Variants in SDK1 observed in about 807,000 individuals in gnomAD.
SDK1 encodes the protein protein sidekick-1.
A neutral mutation model predicts 245.5 loss-of-function variants in SDK1; 157 were observed. The ratio of observed to expected loss-of-function variants is 0.64; its 90% CI spans 0.56 to 0.73. SDK1 has a LOEUF of 0.73. SDK1 is among the 30% of genes least tolerant of loss of function. SDK1 has a pLI of 0.00. For synonymous variants in SDK1, 1,647 were observed against 1,278.5 expected (o/e 1.29, Z -6.15); for missense variants, 3,583 against 3,002.3 (o/e 1.19, Z -4.52).
intron 5 of SDK1, among the ~76,000 whole-genome samples, chr7:3,857,151 C>T (rs1382413743): frequency 1.3e-5 from 2 of 151,990 alleles, no homozygotes; most frequent in African/African-American, 4.8e-5. Flanking sequence ...GGAAATCTAA[C>T]AAAAATCTAC....
chr7:3,719,804 C>A (rs6972653), intron 4 of SDK1, among the ~76,000 whole-genome samples: 3 of 151,704 alleles, frequency 2.0e-5, no homozygotes, highest in Non-Finnish European at 4.4e-5. Flanking sequence ...TGGTGAAACC[C>A]CGTCTCTACT....
intron 4 of SDK1, among the ~76,000 whole-genome samples, chr7:3,729,426 G>A (rs1337832509): frequency 6.6e-6 from 1 of 152,180 alleles, no homozygotes; most frequent in Admixed American, 6.5e-5. Flanking sequence ...AACAATTTCT[G>A]GAGACATTTG....
intron 14 of SDK1, among the ~76,000 whole-genome samples, chr7:4,000,078 G>A (rs1429522240): frequency 6.6e-6 from 1 of 152,208 alleles, no homozygotes; most frequent in Admixed American, 6.5e-5. Flanking sequence ...TGAGGGCCTG[G>A]AGCAGGAAGG....
intron 1 of SDK1, among the ~76,000 whole-genome samples, chr7:3,564,594 A>AT (rs1395231701): frequency 6.6e-6 from 1 of 152,192 alleles, no homozygotes; most frequent in African/African-American, 2.4e-5. Flanking sequence ...TATACTTAAT[A>AT]AATTTGGGGG....
chr7:3,424,237 G>A lies in SDK1; in HGVS notation c.298+122353G>A, dbSNP rs548452449. Among the ~76,000 whole-genome samples the A allele has an allele frequency of 2.0e-5, 3 of 152,226 alleles. No individual in the cohort carries two copies. The East Asian group carries it at 5.8e-4, about 29-fold the overall frequency. On this transcript the variant is annotated intron_variant, in intron 1 of 44. Transcript: ENST00000404826. ...ATACTAATTTAATTTTAGGAATGTT[G>A]TATTATAGTTCATTTTGAACAAATT...
At chr7:3,320,392 C>T (rs1339621775) in intron 1 of SDK1, among the ~76,000 whole-genome samples, 2 of 151,994 alleles carry the variant, frequency 1.3e-5, no homozygotes, top group Non-Finnish European at 2.9e-5. Flanking sequence ...AGTAAGAACT[C>T]ATGTTACTAT....
intron 42 of SDK1, among the ~76,000 whole-genome samples, chr7:4,240,277 A>G (rs1265391549): frequency 6.6e-6 from 1 of 152,126 alleles, no homozygotes; most frequent in Non-Finnish European, 1.5e-5. Context: ...GTGTTAATTT[A>G]ACATCATAAT....
intron 1 of SDK1, among the ~76,000 whole-genome samples, chr7:3,484,440 G>A (rs1443458095): frequency 2.0e-5 from 3 of 152,154 alleles, no homozygotes; most frequent in Non-Finnish European, 1.5e-5. Context: ...GAGGGTCCTG[G>A]AACTAGTTCC....
chr7:3,730,008 A>G (rs1047622252), intron 4 of SDK1, among the ~76,000 whole-genome samples: 12 of 152,108 alleles, frequency 7.9e-5, no homozygotes, highest in Non-Finnish European at 1.6e-4. Flanking sequence ...ATATGTATAT[A>G]TGTGTGTGAG....
intron 1 of SDK1, among the ~76,000 whole-genome samples, chr7:3,454,835 C>T (rs1780624222): frequency 6.6e-6 from 1 of 152,148 alleles, no homozygotes; most frequent in Non-Finnish European, 1.5e-5. Context: ...TTCCATTTCT[C>T]TAGGATCTGT....
At chr7:3,945,899 T>TGAAAAAA (rs1780556848) in intron 5 of SDK1, among the ~76,000 whole-genome samples, 1 of 13,678 alleles carries the variant, frequency 7.3e-5, no homozygotes, top group African/African-American at 1.6e-4. Flanking sequence ...ACTCTGTCTG[T>TGAAAAAA]AAAAAAAAAA....
intron 1 of SDK1, among the ~76,000 whole-genome samples, chr7:3,371,264 G>A (rs1781220288): frequency 7.2e-6 from 1 of 138,214 alleles, no homozygotes; most frequent in African/African-American, 2.5e-5. Context: ...GGAAACTAGG[G>A]ATGTGTTACC....
chr7:3,645,149 A>G (rs927415330), intron 4 of SDK1, among the ~76,000 whole-genome samples: 1 of 152,184 alleles, frequency 6.6e-6, no homozygotes, highest in Non-Finnish European at 1.5e-5. Flanking sequence ...AATTTCATAA[A>G]TTTTTTAAAC....
chr7:3,556,783 G>A (rs141526820), intron 1 of SDK1, among the ~76,000 whole-genome samples: 2 of 152,144 alleles, frequency 1.3e-5, no homozygotes, highest in African/African-American at 4.8e-5. Context: ...AGCAGAGTGA[G>A]ATTCTGTTTC....
intron 1 of SDK1, among the ~76,000 whole-genome samples, chr7:3,531,173 A>G (rs1008795231): frequency 3.9e-5 from 6 of 152,194 alleles, no homozygotes; most frequent in African/African-American, 1.4e-4. Context: ...CAAACTACAT[A>G]GGGTTTGCAG....
intron 4 of SDK1, among the ~76,000 whole-genome samples, chr7:3,742,793 T>A (rs1043884708): frequency 1.3e-5 from 2 of 152,170 alleles, no homozygotes; most frequent in African/African-American, 4.8e-5. Flanking sequence ...GGAGGAAAGT[T>A]TTTCCTTTCC....
chr7:3,627,187 C>T (rs1782148279), intron 2 of SDK1, among the ~76,000 whole-genome samples: 1 of 152,138 alleles, frequency 6.6e-6, no homozygotes, highest in Non-Finnish European at 1.5e-5. Flanking sequence ...GCTTGTCCTC[C>T]CCAAGTGCTG....
chr7:3,915,045 A>G (rs1240010676), intron 5 of SDK1, among the ~76,000 whole-genome samples: 1 of 152,208 alleles, frequency 6.6e-6, no homozygotes, highest in Non-Finnish European at 1.5e-5. Flanking sequence ...CGGAAATCCC[A>G]CAACTGTTGA....
intron 5 of SDK1, among the ~76,000 whole-genome samples, chr7:3,863,625 T>C (rs1344594730): frequency 6.6e-6 from 1 of 152,222 alleles, no homozygotes; most frequent in African/African-American, 2.4e-5. Context: ...ATAACTTTTG[T>C]TCTACTTTCT....
Sources: gnomAD v4.1 joint callset for allele counts (sites outside exome capture counted in the v4.1 genomes callset) on GRCh38, gnomAD v4.1.1 for gene constraint, MANE v1.5 for transcripts, NCBI Gene and HGNC (gene_info 2026-07-23, HGNC 2026-07-21) for gene names.